DISC1: variants seen among roughly 807,000 people sequenced by gnomAD.
The protein encoded by DISC1 is disrupted in schizophrenia 1 protein.
DISC1 carries 57 observed loss-of-function variants against 84.5 expected under a neutral mutation model. The observed-to-expected ratio is 0.67, with a 90% CI of 0.55 to 0.84. DISC1 has a LOEUF of 0.84. Among genes scored for constraint, DISC1 ranks in the 40% least tolerant of loss-of-function variants. The pLI, the probability that DISC1 is intolerant of heterozygous loss-of-function variation, is 0.00. For synonymous variants in DISC1, 411 were observed against 415.2 expected, an observed-to-expected ratio of 0.99 and a Z score of 0.12; for missense variants, 1,000 against 1,057.8, an observed-to-expected ratio of 0.95 and a Z score of 0.76.
At chr1:231,886,558 G>A (rs2086693908) in intron 9 of DISC1, among the ~76,000 whole-genome samples, 1 of 152,150 alleles carries the variant, frequency 6.6e-6, no homozygotes, top group African/African-American at 2.4e-5. Flanking sequence ...CTACAGACAT[G>A]TGTCTTATGG....
At chr1:231,860,774 A>G (rs950019080) in intron 9 of DISC1, among the ~76,000 whole-genome samples, 1 of 152,086 alleles carries the variant, frequency 6.6e-6, no homozygotes, top group African/African-American at 2.4e-5. Context: ...AAAAACTGAA[A>G]TTTGGCTTGA....
chr1:231,812,533 G>C (rs2080403618), intron 8 of DISC1, among the ~76,000 whole-genome samples: 1 of 152,154 alleles, frequency 6.6e-6, no homozygotes, highest in Non-Finnish European at 1.5e-5. Context: ...GCAAATTCTA[G>C]CTGAATTTTA....
intron 8 of DISC1, among the ~76,000 whole-genome samples, chr1:231,807,767 T>A (rs1250984328): frequency 6.6e-6 from 1 of 152,202 alleles, no homozygotes. Context: ...TCACCTTTTT[T>A]AATCAATTGG....
chr1:231,712,534 T>G (rs886249018), intron 3 of DISC1, among the ~76,000 whole-genome samples: 1 of 152,062 alleles, frequency 6.6e-6, no homozygotes, highest in African/African-American at 2.4e-5. Flanking sequence ...CACTTGAAAA[T>G]GGTGGGAAAC....
At chr1:231,921,209 C>T (rs925185687) in intron 9 of DISC1, among the ~76,000 whole-genome samples, 1 of 152,098 alleles carries the variant, frequency 6.6e-6, no homozygotes, top group African/African-American at 2.4e-5. Context: ...CCACTGCACC[C>T]GGCCAGCTGG....
chr1:231,939,303 G>T (rs970659263), intron 9 of DISC1, among the ~76,000 whole-genome samples: 1 of 152,206 alleles, frequency 6.6e-6, no homozygotes, highest in Non-Finnish European at 1.5e-5. Flanking sequence ...TGCCTGGCAT[G>T]TAGTAGTTGC....
intron 1 of DISC1, among the ~76,000 whole-genome samples, chr1:231,682,945 G>A (rs556382463): frequency 4.6e-5 from 7 of 152,218 alleles, no homozygotes; most frequent in Non-Finnish European, 1.0e-4. Context: ...AAACTGCTGG[G>A]TGGCCTGTTT....
chr1:231,760,321 A>G (rs1276611768), intron 4 of DISC1, among the ~76,000 whole-genome samples: 1 of 152,146 alleles, frequency 6.6e-6, no homozygotes, highest in Admixed American at 6.5e-5. Flanking sequence ...AGTGCACTTC[A>G]TTGGTTCTAT....
chr1:231,959,469 A>C, intron 10 of DISC1: 1 of 985,610 alleles, frequency 1.0e-6, no homozygotes, highest in Non-Finnish European at 1.2e-6. Flanking sequence ...TCTGTTCCTA[A>C]TTAAGGCAAC....
At chr1:231,786,092 T>A (rs2077837700) in intron 6 of DISC1, among the ~76,000 whole-genome samples, 1 of 152,228 alleles carries the variant, frequency 6.6e-6, no homozygotes, top group Non-Finnish European at 1.5e-5. Context: ...AAACAACATG[T>A]GTCTCCTGTA....
intron 9 of DISC1, among the ~76,000 whole-genome samples, chr1:231,867,677 A>T (rs1047599840): frequency 6.6e-6 from 1 of 152,218 alleles, no homozygotes; most frequent in Non-Finnish European, 1.5e-5. Flanking sequence ...TGTTACCCAT[A>T]AGTCAGCAGT....
chr1:231,874,110 A>G (rs1179410653), intron 9 of DISC1, among the ~76,000 whole-genome samples: 4 of 151,944 alleles, frequency 2.6e-5, no homozygotes, highest in Non-Finnish European at 4.4e-5. Flanking sequence ...TCGGCCTCCC[A>G]AAGTGCTGGG....
intron 9 of DISC1, among the ~76,000 whole-genome samples, chr1:231,927,621 G>A (rs957337384): frequency 6.6e-6 from 1 of 152,120 alleles, no homozygotes; most frequent in Admixed American, 6.5e-5. Flanking sequence ...CTATTTATGG[G>A]TAACCATGCT....
chr1:231,906,960 T>TTCTTTCTTTC (rs1394993979), intron 9 of DISC1, among the ~76,000 whole-genome samples: 1 of 146,230 alleles, frequency 6.8e-6, no homozygotes, highest in Non-Finnish European at 1.5e-5. Flanking sequence ...TTTCTTTGCT[T>TTCTTTCTTTC]TCTTTCTTTC....
chr1:231,980,127 A>G (rs76036070), intron 10 of DISC1, among the ~76,000 whole-genome samples: 6,336 of 152,256 alleles, frequency 0.042, 449 homozygotes, highest in African/African-American at 0.14. Flanking sequence ...TCTACCTTCC[A>G]TCTATAGAGA....
intron 9 of DISC1, among the ~76,000 whole-genome samples, chr1:231,949,128 A>C (rs1477361211): frequency 6.6e-6 from 1 of 152,124 alleles, no homozygotes; most frequent in East Asian, 1.9e-4. Context: ...TCGGCCTCAC[A>C]AAGTGCTGGG....
At chr1:232,035,605 A>G (rs1017480400) in intron 12 of DISC1, among the ~76,000 whole-genome samples, 4 of 152,040 alleles carry the variant, frequency 2.6e-5, no homozygotes, top group African/African-American at 7.2e-5. Context: ...CATTCCCTCC[A>G]TGTCTGATCT....
intron 6 of DISC1, among the ~76,000 whole-genome samples, chr1:231,781,264 G>C (rs941563245): frequency 7.6e-6 from 1 of 130,794 alleles, no homozygotes; most frequent in Non-Finnish European, 1.6e-5. Context: ...AACAAAGGAG[G>C]GTGAAAAAAT....
chr1:232,020,366 T>C (rs1383324733), intron 11 of DISC1, among the ~76,000 whole-genome samples: 1 of 151,954 alleles, frequency 6.6e-6, no homozygotes, highest in East Asian at 1.9e-4. Context: ...AAATAAAAAA[T>C]AAAAGGATTC....
Sources: allele counts gnomAD v4.1 joint callset (sites outside exome capture counted in the v4.1 genomes callset), GRCh38; gene constraint gnomAD v4.1.1; transcripts MANE v1.5; gene names NCBI Gene and HGNC (gene_info 2026-07-23, HGNC 2026-07-21).